Variants in CYP3A43 observed in about 807,000 individuals in gnomAD.
CYP3A43 encodes the protein cytochrome P450 family 3 subfamily A member 43.
Under a neutral mutation model 58.0 loss-of-function variants are expected in CYP3A43, and 45 were observed. The ratio of observed to expected loss-of-function variants is 0.78; its 90% CI spans 0.61 to 0.99. The LOEUF is 0.99. Among genes scored for constraint, CYP3A43 ranks in the 50% least tolerant of loss-of-function variants. The pLI, the probability that CYP3A43 is intolerant of heterozygous loss-of-function variation, is 0.00. For synonymous variants in CYP3A43, 191 were observed against 201.4 expected (o/e 0.95, Z 0.44); for missense variants, 593 against 591.9 (o/e 1.00, Z -0.02).
intron 1 of CYP3A43, among the ~76,000 whole-genome samples, chr7:99,836,131 C>G (rs958653680): frequency 1.3e-5 from 2 of 152,108 alleles, no homozygotes; most frequent in African/African-American, 4.8e-5. Context: ...TGTCTTTGGT[C>G]AGAATAAGGC....
intron 3 of CYP3A43, among the ~76,000 whole-genome samples, chr7:99,842,884 T>C (rs1276089308): frequency 6.6e-6 from 1 of 152,024 alleles, no homozygotes; most frequent in East Asian, 1.9e-4. Context: ...ATATCCTCCT[T>C]CCCCCCATGA....
chr7:99,849,808 T>G (rs1164297360), intron 7 of CYP3A43, 114 bp downstream of exon 7: 3 of 1,090,524 alleles, frequency 2.8e-6, no homozygotes, highest in Non-Finnish European at 3.8e-6. Flanking sequence ...TTAAAATGTA[T>G]AATTCAATGG....
At chr7:99,863,770 A>T in intron 12 of CYP3A43, 71 bp downstream of exon 12, 1 of 1,220,882 alleles carries the variant, frequency 8.2e-7, no homozygotes, top group Non-Finnish European at 1.1e-6. Flanking sequence ...TTTTTTAAAA[A>T]TTATTGTTCA....
intron 5 of CYP3A43, 83 bp downstream of exon 5, chr7:99,847,684 T>A (rs749878320): frequency 6.3e-7 from 1 of 1,583,666 alleles, no homozygotes; most frequent in South Asian, 1.1e-5. Context: ...AGTTCCTTTC[T>A]AATGGGTAGT....
intron 7 of CYP3A43, among the ~76,000 whole-genome samples, chr7:99,854,495 G>A (rs537055695): frequency 2.1e-4 from 32 of 152,072 alleles, no homozygotes; most frequent in African/African-American, 5.5e-4. Context: ...GTGAGCCACC[G>A]CGCCCGGCTG....
intron 10 of CYP3A43, 79 bp from the exon 11 acceptor site, chr7:99,861,534 A>G (rs1165131866): frequency 1.6e-6 from 2 of 1,238,318 alleles, no homozygotes; most frequent in African/African-American, 3.0e-5. Context: ...AGCTCCTAAC[A>G]CTTCAATAGT....
chr7:99,844,031 A>G (rs1817444154), intron 3 of CYP3A43, 112 bp from the exon 4 acceptor site: 4 of 797,934 alleles, frequency 5.0e-6, no homozygotes, highest in South Asian at 3.7e-5. Context: ...GTATTGCACA[A>G]CTGCAAGTAT....
chr7:99,860,173 G>C (rs144664242), intron 10 of CYP3A43, among the ~76,000 whole-genome samples, 183 bp downstream of exon 10: 1 of 152,226 alleles, frequency 6.6e-6, no homozygotes, highest in Non-Finnish European at 1.5e-5. Flanking sequence ...TGCTTCTTGC[G>C]TAAGTGTAAG....
intron 9 of CYP3A43, among the ~76,000 whole-genome samples, chr7:99,858,698 A>G (rs1034880264): frequency 2.4e-5 from 2 of 83,630 alleles, no homozygotes; most frequent in Non-Finnish European, 5.2e-5. Flanking sequence ...TATTATTATT[A>G]TTATTATTAT....
chr7:99,829,688 T>C (rs978435279), intron 1 of CYP3A43, among the ~76,000 whole-genome samples: 1 of 152,226 alleles, frequency 6.6e-6, no homozygotes. Context: ...GTCTGCTAAA[T>C]GATTAACTTT....
intron 11 of CYP3A43, 106 bp from the exon 12 acceptor site, chr7:99,863,431 C>G (rs952895971): frequency 2.1e-5 from 18 of 868,208 alleles, no homozygotes; most frequent in Non-Finnish European, 2.9e-5. Flanking sequence ...CTTTGGGAGG[C>G]CAAGGAGGTC....
chr7:99,831,902 A>G (rs1816857394), intron 1 of CYP3A43, among the ~76,000 whole-genome samples: 1 of 152,252 alleles, frequency 6.6e-6, no homozygotes, highest in Non-Finnish European at 1.5e-5. Context: ...TGCCATTCAG[A>G]GAACATATAG....
intron 2 of CYP3A43, 36 bp downstream of exon 2, chr7:99,836,582 T>G (rs369452807): frequency 1.4e-6 from 2 of 1,477,940 alleles, no homozygotes; most frequent in Non-Finnish European, 9.1e-7. Flanking sequence ...TTGCTTCTTA[T>G]CGATGCAAAC....
chr7:99,836,563 C>T lies in CYP3A43; in HGVS notation c.165+17C>T, dbSNP rs1462651278. 3.2e-6 allele frequency: 5 copies of T among 1,548,358 alleles called. No homozygotes were observed. Among genetic ancestry groups the T allele is most frequent in the Non-Finnish European group, 4.3e-6 (5 of 1,150,112 alleles). ...TACCTTAGGGTAAGTGTTATTTGAG[C>T]TCCCTCTTTTGCTTCTTATCGATGC... On this transcript the variant is annotated intron_variant, in intron 2 of 12. Coordinates refer to ENST00000354829, the MANE Select transcript of CYP3A43 (RefSeq NM_057095.3).
chr7:99,835,332 T>A (rs959060146), intron 1 of CYP3A43, among the ~76,000 whole-genome samples: 1 of 152,246 alleles, frequency 6.6e-6, no homozygotes, highest in African/African-American at 2.4e-5. Flanking sequence ...AGTCTGGGCA[T>A]CCGATTTGTC....
intron 3 of CYP3A43, among the ~76,000 whole-genome samples, chr7:99,843,622 C>A (rs574035028): frequency 6.6e-6 from 1 of 151,950 alleles, no homozygotes; most frequent in East Asian, 1.9e-4. Flanking sequence ...TGAGCCACCA[C>A]GCCCAGCTAA....
intron 1 of CYP3A43, among the ~76,000 whole-genome samples, chr7:99,828,867 A>G (rs1195424390): frequency 1.3e-5 from 2 of 152,182 alleles, no homozygotes; most frequent in Non-Finnish European, 2.9e-5. Flanking sequence ...AGCCTCTCCA[A>G]ATAATCTCAT....
At chr7:99,856,385 G>A (rs184588153) in intron 8 of CYP3A43, among the ~76,000 whole-genome samples, 7 of 152,324 alleles carry the variant, frequency 4.6e-5, no homozygotes, top group African/African-American at 1.4e-4. Context: ...TAGGAGTGGG[G>A]AGTATTTGAA....
chr7:99,848,015 A>T, intron 5 of CYP3A43, 151 bp from the exon 6 acceptor site: 1 of 770,832 alleles, frequency 1.3e-6, no homozygotes, highest in South Asian at 1.9e-5. Context: ...CTGTCTCAAA[A>T]AAAAGGGGCA....
Sources: allele counts gnomAD v4.1 joint callset (sites outside exome capture counted in the v4.1 genomes callset), GRCh38; gene constraint gnomAD v4.1.1; transcripts MANE v1.5; gene names NCBI Gene and HGNC (gene_info 2026-07-23, HGNC 2026-07-21).